UBE2J2: variants seen among roughly 807,000 people sequenced by gnomAD.
UBE2J2 encodes ubiquitin-conjugating enzyme E2 J2.
UBE2J2 carries 5 observed loss-of-function variants against 28.6 expected under a neutral mutation model. The observed-to-expected ratio is 0.17, with a 90% confidence interval of 0.09 to 0.37. UBE2J2 has a LOEUF of 0.37. UBE2J2 is among the 10% of genes least tolerant of loss of function. The pLI is 1.00. For synonymous variants in UBE2J2, 138 were observed against 139.7 expected (o/e 0.99, Z 0.09); for missense variants, 226 against 338.9 (o/e 0.67, Z 2.62).
At chr1:1,265,472 A>G (rs923845865) in intron 2 of UBE2J2, among the ~76,000 whole-genome samples, 12 of 152,052 alleles carry the variant, frequency 7.9e-5, no homozygotes, top group African/African-American at 2.9e-4. Context: ...AACATTCCAC[A>G]CATGCCGTCC....
chr1:1,266,648 C>A (rs535413902), intron 2 of UBE2J2, among the ~76,000 whole-genome samples: 427 of 151,550 alleles, frequency 2.8e-3, no homozygotes, highest in African/African-American at 1.0e-2. Flanking sequence ...GGTGAAACCC[C>A]GTCTCTACTA....
chr1:1,256,180 TTC>T, intron 5 of UBE2J2, 55 bp from the exon 6 acceptor site: 4 of 1,327,572 alleles, frequency 3.0e-6, no homozygotes, highest in Non-Finnish European at 4.3e-6. Context: ...TCTTTCAAGA[TTC>T]TAAAAACAGA....
chr1:1,266,460 A>G (rs535630983), intron 2 of UBE2J2, among the ~76,000 whole-genome samples: 1 of 152,202 alleles, frequency 6.6e-6, no homozygotes, highest in South Asian at 2.1e-4. Context: ...AGGGAGGCGG[A>G]GGTCACAGTG....
intron 2 of UBE2J2, among the ~76,000 whole-genome samples, chr1:1,265,603 T>G (rs1450716699): frequency 2.8e-4 from 34 of 121,022 alleles, no homozygotes; most frequent in East Asian, 1.3e-3. Flanking sequence ...TTTCTCTCCA[T>G]TGTGTGTGTG....
intron 3 of UBE2J2, chr1:1,262,789 G>A (rs1049442315): frequency 5.7e-5 from 10 of 175,020 alleles, no homozygotes; most frequent in Non-Finnish European, 1.1e-4. Flanking sequence ...AATGACACTA[G>A]GTCTCTAGGT....
At chr1:1,267,272 T>C (rs1639924230) in intron 2 of UBE2J2, among the ~76,000 whole-genome samples, 2 of 151,710 alleles carry the variant, frequency 1.3e-5, no homozygotes, top group Admixed American at 6.6e-5. Context: ...TCACACTCTA[T>C]ACTTCAGCAA....
At chr1:1,269,636 G>A (rs957229802) in intron 1 of UBE2J2, among the ~76,000 whole-genome samples, 1 of 151,902 alleles carries the variant, frequency 6.6e-6, no homozygotes, top group African/African-American at 2.4e-5. Context: ...AATTTTTTTT[G>A]TATTTTTAGT....
intron 3 of UBE2J2, among the ~76,000 whole-genome samples, chr1:1,259,735 C>T (rs554264025): frequency 1.3e-5 from 2 of 152,288 alleles, no homozygotes; most frequent in South Asian, 2.1e-4. Flanking sequence ...ACGGACCCCA[C>T]GCCCCACATG....
chr1:1,260,660 A>C (rs1244845831), intron 3 of UBE2J2, among the ~76,000 whole-genome samples: 2 of 152,190 alleles, frequency 1.3e-5, no homozygotes, highest in African/African-American at 4.8e-5. Flanking sequence ...GAACATCCCC[A>C]CACCCCAGGC....
At chr1:1,262,645 TGC>T (rs2101062118) in intron 3 of UBE2J2, among the ~76,000 whole-genome samples, 1 of 152,326 alleles carries the variant, frequency 6.6e-6, no homozygotes, top group Non-Finnish European at 1.5e-5. Context: ...GACCTGGCCC[TGC>T]TCTGCCTTGT....
intron 3 of UBE2J2, among the ~76,000 whole-genome samples, chr1:1,258,047 GTTTTT>G (rs1320405299): frequency 6.8e-6 from 1 of 147,534 alleles, no homozygotes; most frequent in African/African-American, 2.5e-5. Context: ...GTTTTGTTTT[GTTTTT>G]TTTTTGAGAC....
chr1:1,260,810 T>C (rs1639512396), intron 3 of UBE2J2, among the ~76,000 whole-genome samples: 1 of 152,240 alleles, frequency 6.6e-6, no homozygotes, highest in African/African-American at 2.4e-5. Context: ...GAAAAATGGT[T>C]TTAACTGTTC....
chr1:1,260,563 C>A (rs576403185), intron 3 of UBE2J2, among the ~76,000 whole-genome samples: 1 of 152,338 alleles, frequency 6.6e-6, no homozygotes, highest in East Asian at 1.9e-4. Context: ...GACAAAGGCA[C>A]CAAGAGCCAC....
In UBE2J2 at chr1:1,261,750, G is replaced by A. The variant is rs187834767; in HGVS notation, c.172+1596C>T. ...CAAGCTCCGCCTCCTGGGTTCAAGC[G>A]ATTCTCCTGCCTCAGCCTCCTGAGT... is the stretch of plus-strand genomic sequence containing the variant. On this transcript the variant is annotated intron_variant, in intron 3 of 6. Transcript: ENST00000349431. 3.5e-3 allele frequency among the ~76,000 whole-genome samples: 534 copies of A among 151,170 alleles called. 2 individuals are homozygous for A. The highest frequency in any genetic ancestry group is 0.012 in the African/African-American group (503 of 41,122).
At chr1:1,267,620 G>C in intron 2 of UBE2J2, 1 of 1,050,142 alleles carries the variant, frequency 9.5e-7, no homozygotes. Flanking sequence ...GCCCCACACC[G>C]GAGATTCTCT....
chr1:1,269,969 C>T (rs1640064708), intron 1 of UBE2J2, among the ~76,000 whole-genome samples: 1 of 152,118 alleles, frequency 6.6e-6, no homozygotes, highest in Admixed American at 6.5e-5. Flanking sequence ...AGGGAGGGAC[C>T]TTGTGGGAGG....
chr1:1,259,545 A>G (rs1639431720), intron 3 of UBE2J2, among the ~76,000 whole-genome samples: 2 of 152,202 alleles, frequency 1.3e-5, no homozygotes, highest in Admixed American at 6.5e-5. Context: ...TACATCTTGC[A>G]GGAACGCTCA....
chr1:1,257,379 C>CA (rs1639250485), intron 3 of UBE2J2, 69 bp from the exon 4 acceptor site: 7 of 762,686 alleles, frequency 9.2e-6, no homozygotes, highest in Admixed American at 6.3e-5. Flanking sequence ...ACCTCGTCCC[C>CA]ATCCCCCCAC....
At chr1:1,256,365 A>T (rs1044848579) in intron 5 of UBE2J2, 2 of 432,060 alleles carry the variant, frequency 4.6e-6, no homozygotes, top group Non-Finnish European at 8.4e-6. Flanking sequence ...CCACCAAAGC[A>T]CCGGGCTCCC....
Sources: allele counts gnomAD v4.1 joint callset (sites outside exome capture counted in the v4.1 genomes callset), GRCh38; gene constraint gnomAD v4.1.1; transcripts MANE v1.5; gene names NCBI Gene and HGNC (gene_info 2026-07-23, HGNC 2026-07-21).